TSGA10: variants seen among roughly 807,000 people sequenced by gnomAD.
The protein encoded by TSGA10 is testis specific 10.
TSGA10 carries 43 observed loss-of-function variants against 96.6 expected under a neutral mutation model. That is an observed-to-expected ratio of 0.44 (90% CI 0.35 to 0.57). The LOEUF is 0.57. TSGA10 is among the 20% of genes least tolerant of loss of function. TSGA10 has a pLI of 0.01. For missense variants in TSGA10, 703 were observed against 834.4 expected (o/e 0.84, Z 1.94); for synonymous variants, 229 against 269.9 (o/e 0.85, Z 1.48).
intron 16 of TSGA10, among the ~76,000 whole-genome samples, chr2:99,035,984 T>C (rs1354268682): frequency 6.6e-6 from 1 of 152,030 alleles, no homozygotes; most frequent in East Asian, 1.9e-4. Flanking sequence ...TAAGTATATA[T>C]CCACATTATA....
At chr2:99,037,592 T>C (rs1036955764) in intron 16 of TSGA10, among the ~76,000 whole-genome samples, 11 of 152,192 alleles carry the variant, frequency 7.2e-5, no homozygotes, top group African/African-American at 2.4e-4. Flanking sequence ...CTCACGTCTG[T>C]AATCCTAGCA....
intron 1 of TSGA10, among the ~76,000 whole-genome samples, chr2:99,132,206 T>A (rs1313923541): frequency 6.6e-6 from 1 of 152,152 alleles, no homozygotes. Context: ...TGGTACCAGC[T>A]CCTCTTTGTA....
At chr2:99,018,821 A>G (rs1296299344) in intron 18 of TSGA10, among the ~76,000 whole-genome samples, 181 bp from the exon 19 acceptor site, 4 of 152,194 alleles carry the variant, frequency 2.6e-5, no homozygotes, top group Non-Finnish European at 5.9e-5. Flanking sequence ...AAGTATGCAG[A>G]GTAGCCTACT....
intron 17 of TSGA10, among the ~76,000 whole-genome samples, chr2:99,033,317 A>G (rs2081309121): frequency 6.6e-6 from 1 of 152,218 alleles, no homozygotes; most frequent in African/African-American, 2.4e-5. Context: ...CAGAGCAAAC[A>G]CGTCTTCTCT....
chr2:99,131,294 T>C (rs1203666832), intron 1 of TSGA10, among the ~76,000 whole-genome samples: 1 of 152,218 alleles, frequency 6.6e-6, no homozygotes, highest in Non-Finnish European at 1.5e-5. Flanking sequence ...TCCTCTCTTA[T>C]TTCTTTGAGC....
intron 20 of TSGA10, among the ~76,000 whole-genome samples, chr2:99,013,791 G>A (rs994333385): frequency 1.8e-4 from 28 of 151,516 alleles, no homozygotes; most frequent in African/African-American, 6.3e-4. Context: ...GAAGACAGGC[G>A]GATCACTTGA....
At chr2:99,039,185 GTC>G (rs2081956598) in intron 16 of TSGA10, among the ~76,000 whole-genome samples, 1 of 151,738 alleles carries the variant, frequency 6.6e-6, no homozygotes, top group South Asian at 2.1e-4. Flanking sequence ...AAATCAAAAA[GTC>G]TGAAAGAGCA....
chr2:99,134,608 G>C (rs1373982658), intron 1 of TSGA10, among the ~76,000 whole-genome samples: 2 of 152,104 alleles, frequency 1.3e-5, no homozygotes, highest in Non-Finnish European at 2.9e-5. Flanking sequence ...TCTCTGTCCA[G>C]TTTTGCTCCT....
chr2:99,056,745 G>A (rs1472462036), intron 16 of TSGA10, among the ~76,000 whole-genome samples: 1 of 138,556 alleles, frequency 7.2e-6, no homozygotes, highest in African/African-American at 2.7e-5. Context: ...GTCTCACTCT[G>A]ATATTAAAAA....
rs192710679 is a variant in TSGA10, at chr2:99,032,785, C to T, written c.1614+2445G>A. On this transcript the variant is annotated intron_variant, in intron 17 of 20. Transcript: ENST00000393483. ...TGGCACATGTTCCTCTTTTGGCTAG[C>T]ACCAATAACTAGATGAATTGATGAA... Among the ~76,000 whole-genome samples the T allele has an allele frequency of 3.7e-4, 56 of 152,228 alleles. 2 individuals are homozygous for T. In the East Asian group the frequency reaches 8.7e-3, roughly 24 times the overall value.
Position 99,073,370 on chromosome 2 carries a change from C to G in TSGA10, c.883-297G>C, listed in dbSNP as rs77308204. On this transcript the variant is annotated intron_variant, in intron 12 of 20. Coordinates refer to ENST00000393483, the MANE Select transcript of TSGA10 (RefSeq NM_025244.4). ...TGCAGTCACCCAGCAATACAAGAAC[C>G]CTATAACCACCTGTTTTTGGAGGCA... 5.3e-3 allele frequency among the ~76,000 whole-genome samples: 804 copies of G among 152,126 alleles called. 6 individuals carry two copies. Among genetic ancestry groups the G allele is most frequent in the Middle Eastern group, 0.041 (12 of 294 alleles).
chr2:99,027,426 A>G (rs1290836755), intron 17 of TSGA10, among the ~76,000 whole-genome samples: 2 of 152,176 alleles, frequency 1.3e-5, no homozygotes, highest in African/African-American at 2.4e-5. Flanking sequence ...TCAGAGTCCA[A>G]AGTTTTAGTT....
chr2:99,065,867 G>A (rs2085208303), intron 15 of TSGA10, among the ~76,000 whole-genome samples: 1 of 152,128 alleles, frequency 6.6e-6, no homozygotes, highest in Non-Finnish European at 1.5e-5. Context: ...AACTGAAGTA[G>A]GGTCTGATTT....
chr2:99,031,693 T>G (rs182248955), intron 17 of TSGA10, among the ~76,000 whole-genome samples: 110 of 151,926 alleles, frequency 7.2e-4, no homozygotes, highest in Non-Finnish European at 1.5e-3. Context: ...CAGCAGGAGG[T>G]GAATGGCAGG....
chr2:99,063,589 G>A (rs963319490), intron 16 of TSGA10, among the ~76,000 whole-genome samples: 1 of 152,054 alleles, frequency 6.6e-6, no homozygotes, highest in African/African-American at 2.4e-5. Context: ...TGGATCATGA[G>A]GTCAAGAGAT....
chr2:99,001,751 G>A (rs1206401657), intron 20 of TSGA10, among the ~76,000 whole-genome samples: 1 of 152,106 alleles, frequency 6.6e-6, no homozygotes, highest in South Asian at 2.1e-4. Flanking sequence ...AAGATTAGAC[G>A]AATGGCTAAC....
intron 10 of TSGA10, among the ~76,000 whole-genome samples, chr2:99,099,779 C>T (rs1219802653): frequency 2.0e-5 from 3 of 151,998 alleles, no homozygotes; most frequent in East Asian, 1.9e-4. Context: ...GAAAAGAATA[C>T]TTGCAGATAA....
At chr2:99,147,856 C>T (rs540509686) in intron 1 of TSGA10, among the ~76,000 whole-genome samples, 1 of 152,248 alleles carries the variant, frequency 6.6e-6, no homozygotes, top group South Asian at 2.1e-4. Flanking sequence ...ATTCTTCACC[C>T]CTAACTATTT....
At chr2:99,002,633 C>A (rs1351484333) in intron 20 of TSGA10, among the ~76,000 whole-genome samples, 1 of 152,132 alleles carries the variant, frequency 6.6e-6, no homozygotes, top group Non-Finnish European at 1.5e-5. Context: ...TCACACATAA[C>A]AATATTAACC....
Sources: allele counts gnomAD v4.1 joint callset (sites outside exome capture counted in the v4.1 genomes callset), GRCh38; gene constraint gnomAD v4.1.1; transcripts MANE v1.5; gene names NCBI Gene and HGNC (gene_info 2026-07-23, HGNC 2026-07-21).